Variants in RAPGEF4 observed in about 807,000 individuals in gnomAD.
RAPGEF4 encodes the protein RAP guanine-nucleotide-exchange factor (GEF) 4.
RAPGEF4 carries 66 observed loss-of-function variants against 147.9 expected under a neutral mutation model. The observed-to-expected ratio is 0.45, with a 90% CI of 0.37 to 0.55. The LOEUF (loss-of-function observed/expected upper bound fraction) is 0.55. Among genes scored for constraint, RAPGEF4 ranks in the 20% least tolerant of loss-of-function variants. The pLI is 0.00. For missense variants in RAPGEF4, 1,071 were observed against 1,257.3 expected (o/e 0.85, Z 2.24); for synonymous variants, 419 against 442.7 (o/e 0.95, Z 0.67).
At chr2:172,752,374 C>T (rs913692851) in intron 1 of RAPGEF4, among the ~76,000 whole-genome samples, 2 of 152,094 alleles carry the variant, frequency 1.3e-5, no homozygotes, top group African/African-American at 2.4e-5. Context: ...TTTGATAATG[C>T]TTTTGTATTG....
At chr2:173,047,678 C>CT (rs201627058) in intron 29 of RAPGEF4, among the ~76,000 whole-genome samples, 4,028 of 145,922 alleles carry the variant, frequency 0.028, 122 homozygotes, top group African/African-American at 0.075. Flanking sequence ...TTCTGAATTT[C>CT]TTTTTTTTTT....
chr2:172,926,699 G>A (rs1247687730), intron 6 of RAPGEF4, among the ~76,000 whole-genome samples: 1 of 152,114 alleles, frequency 6.6e-6, no homozygotes, highest in East Asian at 1.9e-4. Context: ...AGCCTTCTGA[G>A]TAGCTGGGAC....
intron 7 of RAPGEF4, 118 bp downstream of exon 7, chr2:172,960,931 G>A (rs1331838515): frequency 1.9e-5 from 18 of 934,176 alleles, no homozygotes; most frequent in Non-Finnish European, 3.0e-5. Flanking sequence ...CTAGAGACAG[G>A]AAATATTCAG....
At chr2:172,968,427 GCTGCCCCTCAGACCAACCCACAGTAGCCT>G (rs1186471812) in intron 10 of RAPGEF4, among the ~76,000 whole-genome samples, 2 of 152,126 alleles carry the variant, frequency 1.3e-5, no homozygotes, top group Non-Finnish European at 2.9e-5. Flanking sequence ...CTCCCCAGAG[GCTGCCCCTCAGACCAACCCACAGTAGCCT>G]CTCTGAAGGC....
At chr2:172,759,463 T>G (rs1024873305) in intron 1 of RAPGEF4, among the ~76,000 whole-genome samples, 10 of 152,038 alleles carry the variant, frequency 6.6e-5, no homozygotes, top group African/African-American at 2.4e-4. Flanking sequence ...TATTTCTCCA[T>G]AACAGATGGG....
At chr2:172,967,480 C>T in intron 10 of RAPGEF4, 36 bp downstream of exon 10, 1 of 1,590,790 alleles carries the variant, frequency 6.3e-7, no homozygotes, top group Non-Finnish European at 8.6e-7. Flanking sequence ...CTCCAGGTCC[C>T]AAGGCCGCCT....
chr2:172,794,269 C>T (rs986954711), intron 1 of RAPGEF4, among the ~76,000 whole-genome samples: 1 of 151,050 alleles, frequency 6.6e-6, no homozygotes, highest in African/African-American at 2.4e-5. Context: ...TTCGCTTGAA[C>T]CCAGGAGGCA....
chr2:172,763,621 A>C (rs1314066913), intron 1 of RAPGEF4, among the ~76,000 whole-genome samples: 1 of 152,178 alleles, frequency 6.6e-6, no homozygotes, highest in East Asian at 1.9e-4. Flanking sequence ...GGTTTCAAGA[A>C]GCCCCCCATG....
rs554117890 is a variant in RAPGEF4, at chr2:172,838,823, G to C, written c.444+24398G>C. On this transcript the variant is annotated intron_variant, in intron 4 of 30. Transcript: ENST00000397081. The stretch of plus-strand genomic sequence containing the variant: ...CCAAACACAGTCACAGGGGAGGATG[G>C]GAGGCAAACTTGCATGAAACGCGTT... Among the ~76,000 whole-genome samples, 4 of 150,478 alleles carry C rather than the reference G, an allele frequency of 2.7e-5. No homozygotes were observed. In the South Asian group the frequency reaches 8.5e-4, roughly 32 times the overall value.
intron 4 of RAPGEF4, among the ~76,000 whole-genome samples, chr2:172,869,985 A>G (rs1695048082): frequency 6.6e-6 from 1 of 152,026 alleles, no homozygotes; most frequent in African/African-American, 2.4e-5. Context: ...ACTCCCGGGG[A>G]GTGGGCATTT....
At chr2:172,929,687 T>C (rs1685722964) in intron 6 of RAPGEF4, among the ~76,000 whole-genome samples, 2 of 152,206 alleles carry the variant, frequency 1.3e-5, no homozygotes, top group Admixed American at 1.3e-4. Flanking sequence ...AATGAACATT[T>C]ATTGATCAAT....
At chr2:172,983,736 C>T (rs964322306) in intron 11 of RAPGEF4, among the ~76,000 whole-genome samples, 156 bp downstream of exon 11, 1 of 152,130 alleles carries the variant, frequency 6.6e-6, no homozygotes, top group African/African-American at 2.4e-5. Flanking sequence ...GGAAGTTATA[C>T]CCAAGAACAA....
At chr2:172,803,204 A>G (rs1156554294) in intron 3 of RAPGEF4, among the ~76,000 whole-genome samples, 1 of 152,176 alleles carries the variant, frequency 6.6e-6, no homozygotes, top group African/African-American at 2.4e-5. Context: ...CTGACCCCAC[A>G]TTTCCCTTCC....
At chr2:173,008,641 G>T (rs540047356) in intron 17 of RAPGEF4, among the ~76,000 whole-genome samples, 1 of 152,150 alleles carries the variant, frequency 6.6e-6, no homozygotes, top group African/African-American at 2.4e-5. Context: ...ACTGCAAAAA[G>T]TATACATAAT....
chr2:173,017,336 C>T, intron 20 of RAPGEF4, 90 bp from the exon 21 acceptor site: 1 of 1,486,642 alleles, frequency 6.7e-7, no homozygotes, highest in Non-Finnish European at 9.4e-7. Flanking sequence ...CATTTCTTGA[C>T]TCTGCTTGCT....
At chr2:172,754,840 A>G (rs1695615084) in intron 1 of RAPGEF4, among the ~76,000 whole-genome samples, 1 of 152,210 alleles carries the variant, frequency 6.6e-6, no homozygotes, top group Admixed American at 6.5e-5. Flanking sequence ...CAGGAGATGG[A>G]GACCATCCTG....
chr2:172,853,109 T>C (rs2149743776), intron 4 of RAPGEF4, among the ~76,000 whole-genome samples: 1 of 152,176 alleles, frequency 6.6e-6, no homozygotes, highest in South Asian at 2.1e-4. Flanking sequence ...TTTTTTCTTA[T>C]AGTATTTTTA....
At chr2:172,770,841 C>T (rs948456752) in intron 1 of RAPGEF4, among the ~76,000 whole-genome samples, 3 of 152,158 alleles carry the variant, frequency 2.0e-5, no homozygotes, top group Non-Finnish European at 4.4e-5. Context: ...ATTCTGCAGC[C>T]TTTGGATGGC....
At chr2:172,911,079 TCTGTCCTTTCTTGAGA>T (rs1454465000) in intron 4 of RAPGEF4, among the ~76,000 whole-genome samples, 2 of 152,184 alleles carry the variant, frequency 1.3e-5, no homozygotes, top group African/African-American at 4.8e-5. Context: ...CGAAATGCAC[TCTGTCCTTTCTTGAGA>T]CTCCCAGAGT....
Sources: allele counts gnomAD v4.1 joint callset (sites outside exome capture counted in the v4.1 genomes callset), GRCh38; gene constraint gnomAD v4.1.1; transcripts MANE v1.5; gene names NCBI Gene and HGNC (gene_info 2026-07-23, HGNC 2026-07-21).